BAIAP2: variants seen among roughly 807,000 people sequenced by gnomAD.
The protein encoded by BAIAP2 is BAR/IMD domain-containing adapter protein 2.
Under a neutral mutation model 63.0 loss-of-function variants are expected in BAIAP2, and 18 were observed. The ratio of observed to expected loss-of-function variants is 0.29; its 90% confidence interval spans 0.20 to 0.42. The LOEUF is 0.42. Among genes scored for constraint, BAIAP2 ranks in the 10% least tolerant of loss-of-function variants. BAIAP2 has a pLI of 1.00. For synonymous variants in BAIAP2, 386 were observed against 307.6 expected (o/e 1.25, Z -2.67); for missense variants, 610 against 734.3 (o/e 0.83, Z 1.96).
intron 3 of BAIAP2, among the ~76,000 whole-genome samples, chr17:81,079,837 T>A (rs2054294536): frequency 6.6e-6 from 1 of 151,930 alleles, no homozygotes; most frequent in Non-Finnish European, 1.5e-5. Context: ...TCCCAGTGAG[T>A]GGGGGGCATC....
At chr17:81,110,607 A>G in intron 13 of BAIAP2, 6 of 1,240,660 alleles carry the variant, frequency 4.8e-6, no homozygotes, top group Non-Finnish European at 6.1e-6. Flanking sequence ...TTTTCTCGGC[A>G]CTCAGTCGCC....
intron 3 of BAIAP2, among the ~76,000 whole-genome samples, chr17:81,059,226 G>A (rs1185746104): frequency 1.3e-5 from 2 of 152,216 alleles, no homozygotes; most frequent in African/African-American, 4.8e-5. Flanking sequence ...TCGAGGCACC[G>A]CTGTGCTGAC....
At chr17:81,092,841 A>G (rs947427125) in intron 6 of BAIAP2, among the ~76,000 whole-genome samples, 3 of 152,146 alleles carry the variant, frequency 2.0e-5, no homozygotes, top group African/African-American at 7.2e-5. Flanking sequence ...ATGCTGGGGC[A>G]GGGGACACCT....
chr17:81,095,911 C>T (rs774296804), intron 6 of BAIAP2, among the ~76,000 whole-genome samples: 5 of 152,180 alleles, frequency 3.3e-5, no homozygotes, highest in African/African-American at 7.2e-5. Context: ...CAGTACCCCT[C>T]GCTGTACTCT....
At chr17:81,104,157 T>TGCCTCCC in intron 9 of BAIAP2, 49 bp downstream of exon 9, 1 of 1,594,158 alleles carries the variant, frequency 6.3e-7, no homozygotes, top group Non-Finnish European at 8.6e-7. Context: ...ACGTGCCTCC[T>TGCCTCCC]CAGACCCTAC....
chr17:81,099,404 T>C (rs534687576), intron 6 of BAIAP2, among the ~76,000 whole-genome samples: 1 of 151,852 alleles, frequency 6.6e-6, no homozygotes, highest in South Asian at 2.1e-4. Context: ...TGTCCTGGGC[T>C]CCAGCTCTCC....
At chr17:81,049,034 C>T (rs1335334992) in intron 1 of BAIAP2, among the ~76,000 whole-genome samples, 2 of 152,258 alleles carry the variant, frequency 1.3e-5, no homozygotes, top group African/African-American at 4.8e-5. Context: ...AAAGGTGTTC[C>T]CTGGTCAATA....
chr17:81,110,678 G>A (rs547994570), intron 13 of BAIAP2, among the ~76,000 whole-genome samples: 2 of 152,312 alleles, frequency 1.3e-5, no homozygotes, highest in African/African-American at 4.8e-5. Flanking sequence ...CACTCTGCCC[G>A]GGCTCTGCGG....
At chr17:81,064,913 G>A (rs1412342009) in intron 3 of BAIAP2, among the ~76,000 whole-genome samples, 1 of 152,206 alleles carries the variant, frequency 6.6e-6, no homozygotes, top group Non-Finnish European at 1.5e-5. Flanking sequence ...TCCAAGTTCC[G>A]GAAGCTTCTC....
chr17:81,101,623 G>A (rs1014979413), intron 7 of BAIAP2, among the ~76,000 whole-genome samples: 2 of 139,320 alleles, frequency 1.4e-5, no homozygotes, highest in African/African-American at 5.0e-5. Flanking sequence ...TCTCATGTAC[G>A]TGCGCGTGCG....
In BAIAP2 at chr17:81,053,674, A is replaced by G; in HGVS notation, c.61A>G (p.Met21Val). The change falls in exon 2 of 14, where the codon ATG (methionine) becomes GTG (valine). Residue 21 changes from methionine to valine, a missense_variant. Physicochemically the swap from Met to Val is conservative, Grantham distance 21 (BLOSUM62 1). This residue lies in a region of BAIAP2 where 389 missense variants were observed against 455.6 expected (regional missense o/e 0.85). Transcript: ENST00000428708. ...RLTENVYKTIMEQFNPSLRNF... is the reference protein window; with the variant it reads ...RLTENVYKTIVEQFNPSLRNF... Reference sequence around the variant, plus strand: ...CTTCTCTGCTTTCTTCCAGACCATCATGGAGCAGTTCAACCCTAGCCTCCG... The same window carrying G: ...CTTCTCTGCTTTCTTCCAGACCATCGTGGAGCAGTTCAACCCTAGCCTCCG... 6.2e-7 allele frequency: 1 copy of G among 1,614,088 alleles called. No homozygotes were observed. The highest frequency in any genetic ancestry group is 8.5e-7 in the Non-Finnish European group (1 of 1,179,964).
chr17:81,106,257 G>C, intron 11 of BAIAP2, 111 bp downstream of exon 11: 1 of 1,158,052 alleles, frequency 8.6e-7, no homozygotes, highest in Non-Finnish European at 1.2e-6. Context: ...CTCCTTGTCT[G>C]CTACCGCAGG....
At chr17:81,083,072 C>G (rs1042756163) in intron 3 of BAIAP2, 1 of 152,370 alleles carries the variant, frequency 6.6e-6, no homozygotes, top group African/African-American at 2.4e-5. Flanking sequence ...CTTCCTCTGC[C>G]AGACTCAGCT....
chr17:81,042,205 G>A (rs1406420200), intron 1 of BAIAP2, among the ~76,000 whole-genome samples: 10 of 141,068 alleles, frequency 7.1e-5, no homozygotes, highest in African/African-American at 2.7e-4. Flanking sequence ...GCAATGGTGT[G>A]ATCTCACCTC....
chr17:81,038,900 T>C lies in BAIAP2; in HGVS notation c.54+3592T>C, dbSNP rs8074905. On this transcript the variant is annotated intron_variant, in intron 1 of 13. Coordinates refer to ENST00000428708, the MANE Select transcript of BAIAP2 (RefSeq NM_001144888.2). ...CTGGCATTGGAGTCGCCTTCCTGGG[T>C]GGGGGGGGCAGCAGACCCGGCACCT... 3.8e-4 allele frequency among the ~76,000 whole-genome samples: 3 copies of C among 7,872 alleles called. No individual in the cohort carries two copies. The Non-Finnish European group carries it at 4.2e-3, about 11-fold the overall frequency. The allele number at this position is 7,872 out of a possible 152,430, so 5.2% of individuals were successfully genotyped here. A position where few individuals can be genotyped will look rare whatever the true frequency, so the allele number is the denominator to read the frequency against.
At chr17:81,112,364 T>C (rs985605480) in intron 13 of BAIAP2, among the ~76,000 whole-genome samples, 11 of 152,230 alleles carry the variant, frequency 7.2e-5, no homozygotes, top group Non-Finnish European at 1.0e-4. Flanking sequence ...GGGGCCAGTT[T>C]CCCGGCCACG....
intron 3 of BAIAP2, among the ~76,000 whole-genome samples, chr17:81,060,610 T>C (rs554878815): frequency 2.7e-4 from 41 of 152,340 alleles, no homozygotes; most frequent in Non-Finnish European, 4.4e-4. Flanking sequence ...TTCCGGCAGC[T>C]GTGAGCCTGT....
rs574027014 is a variant in BAIAP2, at chr17:81,110,451, A to T, written c.1535+1942A>T. ...TTTCCTGTTTCCTTTCCTTTTTTTT[A>T]AAAAATCTGAATTGTGCCCTGTACT... On this transcript the variant is annotated intron_variant, in intron 13 of 13. Transcript: ENST00000428708. 6.7e-3 allele frequency: 6,711 copies of T among 995,426 alleles called. 22 individuals are homozygous for T. The highest frequency in any genetic ancestry group is 7.5e-3 in the Non-Finnish European group (6,241 of 836,848). The allele number at this position is 995,426 out of a possible 1,614,324, so 61.7% of individuals were successfully genotyped here. A position where few individuals can be genotyped will look rare whatever the true frequency, so the allele number is the denominator to read the frequency against.
chr17:81,112,669 G>T (rs1019917213), intron 13 of BAIAP2, among the ~76,000 whole-genome samples: 1 of 152,240 alleles, frequency 6.6e-6, no homozygotes, highest in Admixed American at 6.5e-5. Context: ...CCGGCTCTGG[G>T]TCTGGAGTCA....
Sources: gnomAD v4.1 joint callset for allele counts (sites outside exome capture counted in the v4.1 genomes callset) on GRCh38, gnomAD v4.1.1 for gene constraint, gnomAD v4.1.1 regional missense constraint, MANE v1.5 for transcripts, NCBI Gene and HGNC (gene_info 2026-07-23, HGNC 2026-07-21) for gene names.